Variants in CFAP299 observed in about 807,000 individuals in gnomAD.
CFAP299 encodes cilia and flagella associated protein 299, also known as cilia- and flagella-associated protein 299.
CFAP299 carries 21 observed loss-of-function variants against 27.0 expected under a neutral mutation model. The ratio of observed to expected loss-of-function variants is 0.78; its 90% confidence interval spans 0.55 to 1.12. The LOEUF (loss-of-function observed/expected upper bound fraction) is 1.12, where lower values mean the gene tolerates loss of function less well. Among genes scored for constraint, CFAP299 ranks in the 50% most tolerant of loss-of-function variants. CFAP299 has a pLI of 0.00. For missense variants in CFAP299, 310 were observed against 276.6 expected, an observed-to-expected ratio of 1.12 and a Z score of -0.86; for synonymous variants, 104 against 98.1, an observed-to-expected ratio of 1.06 and a Z score of -0.36.
chr4:80,490,730 G>T (rs1731075666), intron 2 of CFAP299, among the ~76,000 whole-genome samples: 1 of 151,560 alleles, frequency 6.6e-6, no homozygotes, highest in East Asian at 1.9e-4. Flanking sequence ...CATATATTTG[G>T]CTTTTTAAAA....
chr4:80,635,701 T>C (rs1739440115), intron 3 of CFAP299, among the ~76,000 whole-genome samples: 1 of 152,170 alleles, frequency 6.6e-6, no homozygotes, highest in Admixed American at 6.6e-5. Context: ...TCACTTACCT[T>C]TTCACAGCAG....
intron 2 of CFAP299, among the ~76,000 whole-genome samples, chr4:80,519,178 A>G (rs573576615): frequency 6.6e-6 from 1 of 150,508 alleles, no homozygotes; most frequent in African/African-American, 2.4e-5. Flanking sequence ...CTCTGTTAAT[A>G]TGTGTGTGTG....
chr4:80,866,485 A>G (rs1274231476), intron 3 of CFAP299, among the ~76,000 whole-genome samples: 2 of 152,224 alleles, frequency 1.3e-5, no homozygotes, highest in East Asian at 1.9e-4. Context: ...CAATGGCCAA[A>G]CTAGTTAAAT....
chr4:80,618,938 C>A (rs886204377), intron 3 of CFAP299, among the ~76,000 whole-genome samples: 1 of 151,848 alleles, frequency 6.6e-6, no homozygotes, highest in Non-Finnish European at 1.5e-5. Context: ...GAAAACCGTG[C>A]TAAAATTATT....
intron 3 of CFAP299, among the ~76,000 whole-genome samples, chr4:80,589,414 C>T (rs1328696757): frequency 6.6e-6 from 1 of 152,080 alleles, no homozygotes; most frequent in African/African-American, 2.4e-5. Flanking sequence ...TTTATACCTT[C>T]TGGGAAGAAT....
At chr4:80,951,176 A>G (rs566784206) in intron 5 of CFAP299, among the ~76,000 whole-genome samples, 5 of 152,320 alleles carry the variant, frequency 3.3e-5, no homozygotes, top group Admixed American at 3.3e-4. Context: ...CATCTTGAAT[A>G]TAGTTGCTTG....
chr4:80,399,741 A>T (rs962025711), intron 2 of CFAP299, among the ~76,000 whole-genome samples: 25 of 151,950 alleles, frequency 1.6e-4, no homozygotes, highest in African/African-American at 5.3e-4. Flanking sequence ...CCTAATGTAA[A>T]TGATGAGTTA....
Position 80,619,249 on chromosome 4 carries a change from A to G in CFAP299, c.333+36066A>G, listed in dbSNP as rs187901107. ...TTTATTCTGATTTATTTGGAATGTC[A>G]TGTATCAAAACTATTTGAACCAAAA... On this transcript the variant is annotated intron_variant, in intron 3 of 5. Coordinates refer to ENST00000358105, the MANE Select transcript of CFAP299 (RefSeq NM_152770.3). 5.0e-5 allele frequency among the ~76,000 whole-genome samples: 7 copies of G among 139,134 alleles called. No homozygotes were observed. The East Asian group carries it at 1.3e-3, about 25-fold the overall frequency. 91.3% of individuals were successfully genotyped at this position (139,134 alleles called of 152,430 possible). A position where few individuals can be genotyped will look rare whatever the true frequency, so the allele number is the denominator to read the frequency against.
chr4:80,668,965 A>G (rs1055256849), intron 3 of CFAP299, among the ~76,000 whole-genome samples: 2 of 151,716 alleles, frequency 1.3e-5, no homozygotes, highest in Admixed American at 6.6e-5. Flanking sequence ...TATCTTTCCA[A>G]TTTTTTTGTG....
At chr4:80,386,397 C>T in intron 2 of CFAP299, 1 of 1,535,494 alleles carries the variant, frequency 6.5e-7, no homozygotes, top group East Asian at 2.3e-5. Flanking sequence ...GGGCACCAGA[C>T]CAGCCCCTGT....
In CFAP299 at chr4:80,874,633, A is replaced by C. The variant is rs149760212; in HGVS notation, c.476+4498A>C. On this transcript the variant is annotated intron_variant, in intron 4 of 5. Coordinates refer to ENST00000358105, the MANE Select transcript of CFAP299 (RefSeq NM_152770.3). The stretch of plus-strand genomic sequence containing the variant: ...AAAAGGGCTTAAACTAGTTCCCTCC[A>C]ATTTCTTTATAAGGCACTAATCCAT... Among the ~76,000 whole-genome samples, 700 of 152,298 alleles carry C rather than the reference A, an allele frequency of 4.6e-3. 5 individuals carry two copies. Among genetic ancestry groups the C allele is most frequent in the African/African-American group, 0.016 (655 of 41,554 alleles).
chr4:80,558,149 C>T (rs908151540), intron 2 of CFAP299, among the ~76,000 whole-genome samples: 10 of 151,986 alleles, frequency 6.6e-5, no homozygotes, highest in African/African-American at 2.2e-4. Context: ...CTTTTCTGAA[C>T]GTTAAAACTT....
At chr4:80,838,637 C>A (rs1730695016) in intron 3 of CFAP299, among the ~76,000 whole-genome samples, 1 of 152,002 alleles carries the variant, frequency 6.6e-6, no homozygotes, top group Non-Finnish European at 1.5e-5. Context: ...TGTTTTGGTA[C>A]CAGTACCATG....
Position 80,472,514 on chromosome 4 carries a change from G to A in CFAP299, c.242+109630G>A, listed in dbSNP as rs371551420. Among the ~76,000 whole-genome samples, 46 of 152,274 alleles carry A rather than the reference G, an allele frequency of 3.0e-4. No homozygotes were observed. In the South Asian group the frequency reaches 9.3e-3, roughly 31 times the overall value. On this transcript the variant is annotated intron_variant, in intron 2 of 5. Transcript: ENST00000358105. ...ATTCTGGTATAGTGAGTGTGAATGA[G>A]GTGATGCCATGCTGGGTCTCTATTG...
At chr4:80,455,675 C>G (rs147421331) in intron 2 of CFAP299, among the ~76,000 whole-genome samples, 19 of 152,144 alleles carry the variant, frequency 1.2e-4, no homozygotes, top group African/African-American at 3.1e-4. Context: ...CATTTTGTAG[C>G]ATGTAGCTCA....
intron 3 of CFAP299, among the ~76,000 whole-genome samples, chr4:80,624,934 A>G (rs1256952917): frequency 6.6e-6 from 1 of 152,150 alleles, no homozygotes; most frequent in Admixed American, 6.6e-5. Context: ...TTCCCAAATA[A>G]ACAAAAGCTG....
At chr4:80,927,600 C>T (rs1366027929) in intron 4 of CFAP299, among the ~76,000 whole-genome samples, 2 of 152,036 alleles carry the variant, frequency 1.3e-5, no homozygotes, top group African/African-American at 2.4e-5. Flanking sequence ...CATTTCTTTC[C>T]GGATGCTCTG....
At chr4:80,856,650 C>A (rs376184337) in intron 3 of CFAP299, among the ~76,000 whole-genome samples, 1 of 152,080 alleles carries the variant, frequency 6.6e-6, no homozygotes, top group African/African-American at 2.4e-5. Context: ...GCACCATTTA[C>A]TAAATAGGGA....
intron 3 of CFAP299, among the ~76,000 whole-genome samples, chr4:80,774,057 A>G (rs537239890): frequency 6.6e-6 from 1 of 151,976 alleles, no homozygotes; most frequent in Non-Finnish European, 1.5e-5. Flanking sequence ...TCGGCTGATC[A>G]CATATTAATC....
Sources: allele counts gnomAD v4.1 joint callset (sites outside exome capture counted in the v4.1 genomes callset), GRCh38; gene constraint gnomAD v4.1.1; transcripts MANE v1.5; gene names NCBI Gene and HGNC (gene_info 2026-07-23, HGNC 2026-07-21).